Variants in MFF observed in about 807,000 individuals in gnomAD.
MFF encodes mitochondrial fission factor.
In MFF, 12 loss-of-function variants were observed where a neutral mutation model predicts 36.9. That is an observed-to-expected ratio of 0.33 (90% confidence interval 0.21 to 0.53). MFF has a LOEUF of 0.53. MFF is among the 20% of genes least tolerant of loss of function. The probability of loss-of-function intolerance (pLI) is 0.95; values close to 1 mark genes in which losing one functional copy is unlikely to be tolerated. For missense variants in MFF, 348 were observed against 366.6 expected (o/e 0.95, Z 0.42); for synonymous variants, 99 against 126.2 (o/e 0.78, Z 1.44).
chr2:227,355,501 C>G (rs2076211910), intron 7 of MFF, 176 bp from the exon 8 acceptor site: 2 of 369,066 alleles, frequency 5.4e-6, no homozygotes, highest in Non-Finnish European at 9.9e-6. Flanking sequence ...TCATTTTAAG[C>G]TTTTTTCTTT....
chr2:227,345,871 A>G (rs552703255), intron 5 of MFF, among the ~76,000 whole-genome samples: 7 of 152,198 alleles, frequency 4.6e-5, no homozygotes, highest in South Asian at 4.1e-4. Context: ...CTTGACACCA[A>G]ATTTGACCTA....
intron 2 of MFF, chr2:227,329,846 T>C: frequency 4.3e-6 from 5 of 1,158,518 alleles, no homozygotes; most frequent in Non-Finnish European, 6.3e-6. Flanking sequence ...GCTTTAAAGC[T>C]TACTGCCGTA....
intron 2 of MFF, chr2:227,329,669 T>G: frequency 9.5e-7 from 1 of 1,047,224 alleles, no homozygotes; most frequent in Non-Finnish European, 1.5e-6. Flanking sequence ...TGTAGGGGAA[T>G]TGTTGTGTAA....
chr2:227,335,370 G>A (rs2074917663), intron 4 of MFF, among the ~76,000 whole-genome samples: 1 of 152,088 alleles, frequency 6.6e-6, no homozygotes, highest in South Asian at 2.1e-4. Context: ...ACTTGAGAGT[G>A]ACTGCTTAAT....
Position 227,326,180 on chromosome 2 carries a change from G to A in MFF, c.-153+753G>A, listed in dbSNP as rs142783799. On this transcript the variant is annotated intron_variant, in intron 1 of 8. Transcript: ENST00000304593. ...AGCAAAGGGCATTCTCGAGGGAAGA[G>A]CACCCTTTCAAAAGTGACATGTTTT... 2.0e-5 allele frequency among the ~76,000 whole-genome samples: 3 copies of A among 151,300 alleles called. No homozygotes were observed. In the East Asian group the frequency reaches 5.8e-4, roughly 29 times the overall value.
intron 6 of MFF, 171 bp from the exon 7 acceptor site, chr2:227,352,343 G>T: frequency 1.8e-6 from 1 of 543,530 alleles, no homozygotes; most frequent in Non-Finnish European, 3.3e-6. Context: ...ATGATAAAAT[G>T]GAGGACACAT....
chr2:227,349,618 A>T (rs2075888493), intron 6 of MFF, among the ~76,000 whole-genome samples: 1 of 152,120 alleles, frequency 6.6e-6, no homozygotes, highest in Non-Finnish European at 1.5e-5. Context: ...AGGATTTTTT[A>T]AAGTTGTATT....
intron 2 of MFF, 89 bp downstream of exon 2, chr2:227,328,878 T>G (rs1191257308): frequency 7.4e-6 from 1 of 135,228 alleles, no homozygotes; most frequent in African/African-American, 3.2e-5. Flanking sequence ...CCCCAGAGAT[T>G]TTTTGATAAA....
chr2:227,343,955 C>T (rs954158448), intron 5 of MFF, among the ~76,000 whole-genome samples: 18 of 151,942 alleles, frequency 1.2e-4, no homozygotes, highest in African/African-American at 4.1e-4. Context: ...GCCCGGCTAA[C>T]TTTTGTATTT....
chr2:227,330,894 A>G, intron 3 of MFF, 48 bp downstream of exon 3: 1 of 1,472,282 alleles, frequency 6.8e-7, no homozygotes. Flanking sequence ...TTTGTTTTAT[A>G]TGTTTCTATG....
At position 227,330,828 on chromosome 2, in the gene MFF, G is replaced by A; in HGVS notation, c.163G>A (p.Glu55Lys). ...TGCTAGTGTGATAATGCAAGTTCCGGAGAGGATTGTTGTAGCAGGTATTTC... is the reference window on the plus strand; with the variant it reads ...TGCTAGTGTGATAATGCAAGTTCCGAAGAGGATTGTTGTAGCAGGTATTTC... ...PNASVIMQVP[E>K]RIVVAGNNED... The change falls in exon 3 of 9, where the codon GAG becomes AAG. Residue 55 changes from glutamate to lysine, a missense_variant. Coordinates refer to ENST00000304593, the MANE Select transcript of MFF (RefSeq NM_001277062.2). 2 of 1,614,106 alleles carry A rather than the reference G, an allele frequency of 1.2e-6. No homozygotes were observed. The highest frequency in any genetic ancestry group is 1.7e-6 in the Non-Finnish European group (2 of 1,179,934).
rs978869876 is a variant in MFF at position 227,332,295 on chromosome 2, T to A, written c.182-124T>A. 22 of 771,760 alleles carry A rather than the reference T, an allele frequency of 2.9e-5. No individual in the cohort carries two copies. In the African/African-American group the frequency reaches 3.2e-4, roughly 11 times the overall value. 47.8% of individuals were successfully genotyped at this position (771,760 alleles called of 1,614,324 possible). A position where few individuals can be genotyped will look rare whatever the true frequency, so the allele number is the denominator to read the frequency against. ...CCTGGAAGCATATTTTGAAAGAAACTAATGCTTATTGGGTGGTATAATTCA... is the reference window on the plus strand; with the variant it reads ...CCTGGAAGCATATTTTGAAAGAAACAAATGCTTATTGGGTGGTATAATTCA... On this transcript the variant is annotated intron_variant, in intron 3 of 8. Transcript: ENST00000304593.
intron 4 of MFF, among the ~76,000 whole-genome samples, chr2:227,334,056 G>A (rs1337336446): frequency 6.6e-6 from 1 of 152,116 alleles, no homozygotes; most frequent in Admixed American, 6.5e-5. Context: ...GTTTGTGTGA[G>A]AATTAGAACT....
chr2:227,354,334 T>C (rs923882964), intron 7 of MFF, among the ~76,000 whole-genome samples: 4 of 152,242 alleles, frequency 2.6e-5, no homozygotes, highest in Admixed American at 2.6e-4. Context: ...TTTGTGGGTA[T>C]GTACTTTTTG....
In MFF at chr2:227,357,428, A is replaced by G. The variant is rs1329272651; in HGVS notation, c.*311A>G. 3.9e-5 allele frequency: 8 copies of G among 204,716 alleles called. No homozygotes were observed. In the South Asian group the frequency reaches 7.2e-4, roughly 18 times the overall value. The allele number at this position is 204,716 out of a possible 1,614,324, so 12.7% of individuals were successfully genotyped here. The stretch of plus-strand genomic sequence containing the variant: ...ATTTTTTGCCTCATCAGTCCACCCA[A>G]CTGATTCTGAATGGGAGAGAGTCTG... On this transcript the variant is annotated 3_prime_UTR_variant, in exon 9 of 9. Transcript: ENST00000304593.
At chr2:227,338,425 C>A (rs1050195656) in intron 4 of MFF, among the ~76,000 whole-genome samples, 1 of 151,668 alleles carries the variant, frequency 6.6e-6, no homozygotes, top group Non-Finnish European at 1.5e-5. Flanking sequence ...TGTGAGCCAC[C>A]GTGCCCAACC....
At chr2:227,347,946 T>A (rs1018055936) in intron 6 of MFF, among the ~76,000 whole-genome samples, 1 of 152,200 alleles carries the variant, frequency 6.6e-6, no homozygotes, top group African/African-American at 2.4e-5. Context: ...TTTGAACATC[T>A]CCAGGTAAAA....
At position 227,330,782 on chromosome 2, in the gene MFF, A is replaced by T. The variant is rs1244231851; in HGVS notation, c.117A>T (p.Gly39=). ...VAPPNADLEQ[G]FQEGVPNASV... is the part of the protein sequence containing the mutation. ...CGCCAAACGCTGACCTGGAACAAGGATTCCAAGAAGGAGTTCCAAATGCTA... is the reference window on the plus strand; with the variant it reads ...CGCCAAACGCTGACCTGGAACAAGGTTTCCAAGAAGGAGTTCCAAATGCTA... Residue 39 remains glycine (G), a synonymous_variant, in exon 3 of 9, where the codon GGA becomes GGT. Transcript: ENST00000304593. The T allele has an allele frequency of 1.2e-6, 2 of 1,614,208 alleles. No individual in the cohort carries two copies. Among genetic ancestry groups the T allele is most frequent in the Middle Eastern group, 1.6e-4 (1 of 6,062 alleles).
At chr2:227,327,392 A>G (rs1378727512) in intron 1 of MFF, among the ~76,000 whole-genome samples, 2 of 152,366 alleles carry the variant, frequency 1.3e-5, no homozygotes, top group African/African-American at 4.8e-5. Flanking sequence ...TTTATTGCCA[A>G]AAGATATTAT....
Sources: gnomAD v4.1 joint callset for allele counts (sites outside exome capture counted in the v4.1 genomes callset) on GRCh38, gnomAD v4.1.1 for gene constraint, MANE v1.5 for transcripts, NCBI Gene and HGNC (gene_info 2026-07-23, HGNC 2026-07-21) for gene names.